Variants in PRTFDC1 observed in about 807,000 individuals in gnomAD.
PRTFDC1 encodes the protein phosphoribosyltransferase domain-containing protein 1.
A neutral mutation model predicts 34.6 loss-of-function variants in PRTFDC1; 38 were observed. That is an observed-to-expected ratio of 1.10 (90% CI 0.85 to 1.44). The LOEUF (loss-of-function observed/expected upper bound fraction) is 1.44. Ranked by LOEUF, PRTFDC1 falls within the 40% of genes most tolerant of loss-of-function variation. PRTFDC1 has a pLI of 0.00. For missense variants in PRTFDC1, 270 were observed against 283.0 expected, an observed-to-expected ratio of 0.95 and a Z score of 0.33; for synonymous variants, 93 against 98.1, an observed-to-expected ratio of 0.95 and a Z score of 0.31.
At chr10:24,918,313 G>A (rs1241701923) in intron 3 of PRTFDC1, among the ~76,000 whole-genome samples, 7 of 151,274 alleles carry the variant, frequency 4.6e-5, no homozygotes, top group Non-Finnish European at 1.0e-4. Context: ...GTCATATGAG[G>A]TCACTTTTAA....
chr10:24,919,469 T>C (rs562561542), intron 3 of PRTFDC1, among the ~76,000 whole-genome samples: 1 of 152,296 alleles, frequency 6.6e-6, no homozygotes, highest in African/African-American at 2.4e-5. Context: ...TTATATCTTA[T>C]ACAAAAATTA....
intron 3 of PRTFDC1, among the ~76,000 whole-genome samples, chr10:24,899,511 G>T (rs117971942): frequency 1.7e-4 from 26 of 152,128 alleles, no homozygotes; most frequent in Admixed American, 1.3e-3. Flanking sequence ...ACCAACGACC[G>T]CATCCTCCAC....
At chr10:24,951,561 G>A (rs1156681129) in intron 1 of PRTFDC1, 14 of 985,120 alleles carry the variant, frequency 1.4e-5, no homozygotes, top group African/African-American at 1.7e-5. Flanking sequence ...TTTAGTTCAG[G>A]CCATTCATAT....
intron 3 of PRTFDC1, chr10:24,908,512 C>T (rs1338553656): frequency 6.2e-7 from 1 of 1,612,312 alleles, no homozygotes; most frequent in Non-Finnish European, 8.5e-7. Flanking sequence ...CCTAATTCTG[C>T]TCTGATCTTG....
chr10:24,881,011 CTCTT>C (rs199906108), intron 3 of PRTFDC1, among the ~76,000 whole-genome samples: 2,294 of 129,514 alleles, frequency 0.018, 65 homozygotes, highest in African/African-American at 0.058. Flanking sequence ...CTTCCTTTCT[CTCTT>C]TCTTTCTCTC....
chr10:24,937,363 C>A lies in PRTFDC1; in HGVS notation c.160G>T (p.Glu54Ter). Residue 54 changes from glutamate to a stop codon, truncating the protein, a stop_gained, in exon 3 of 9, where the codon GAG becomes TAG. Transcript: ENST00000320152. LOFTEE classifies it high-confidence loss of function. ...TTCATAATATCCTTGGCCAGCCGCT[C>A]AATTCTGAAAGAAGGATAAAAGATA... is the stretch of plus-strand genomic sequence containing the variant. ...IPHGIIVDRI[E>*]RLAKDIMKDI... 2 of 1,605,648 alleles carry A rather than the reference C, an allele frequency of 1.2e-6. No individual in the cohort carries two copies. Among genetic ancestry groups the A allele is most frequent in the South Asian group, 2.3e-5 (2 of 88,684 alleles).
intron 8 of PRTFDC1, among the ~76,000 whole-genome samples, chr10:24,850,940 G>A (rs1847475754): frequency 6.6e-6 from 1 of 152,242 alleles, no homozygotes; most frequent in East Asian, 1.9e-4. Flanking sequence ...CACACAGCTG[G>A]GGTCCACACT....
rs58294462 is a variant in PRTFDC1 at position 24,912,268 on chromosome 10, CAAAAAAAA to C, written c.339+24908_339+24915del. On this transcript the variant is annotated intron_variant, in intron 3 of 8. Coordinates refer to ENST00000320152, the MANE Select transcript of PRTFDC1 (RefSeq NM_020200.7). Reference sequence around the variant, plus strand: ...TGGGCAACAGAGCAAGACTTCATCTCAAAAAAAAAAAAAAAAAAAAAAAAAAAGAAAGA... The same window carrying C: ...TGGGCAACAGAGCAAGACTTCATCTCAAAAAAAAAAAAAAAAAAAGAAAGA... Among the ~76,000 whole-genome samples, 30 of 53,938 alleles carry C rather than the reference CAAAAAAAA, an allele frequency of 5.6e-4. No individual in the cohort carries two copies. In the Admixed American group the frequency reaches 9.9e-3, roughly 18 times the overall value. The allele number at this position is 53,938 out of a possible 152,430, so 35.4% of individuals were successfully genotyped here.
At chr10:24,858,349 A>G (rs753988744) in intron 5 of PRTFDC1, 43 bp downstream of exon 5, 81 of 1,596,370 alleles carry the variant, frequency 5.1e-5, no homozygotes, top group Non-Finnish European at 6.7e-5. Context: ...TCACCATTAG[A>G]TTCTTTCAAC....
At chr10:24,853,163 A>G (rs1459607946) in intron 7 of PRTFDC1, among the ~76,000 whole-genome samples, 5 of 152,120 alleles carry the variant, frequency 3.3e-5, no homozygotes, top group African/African-American at 1.2e-4. Context: ...AAATCCAGAG[A>G]GAAAGAAGGA....
chr10:24,877,058 A>G (rs1847978741), intron 3 of PRTFDC1, among the ~76,000 whole-genome samples: 1 of 151,682 alleles, frequency 6.6e-6, no homozygotes, highest in Non-Finnish European at 1.5e-5. Context: ...CTAAAAACCT[A>G]CTCCTGAACC....
At chr10:24,880,699 T>G (rs185284134) in intron 3 of PRTFDC1, among the ~76,000 whole-genome samples, 6 of 152,356 alleles carry the variant, frequency 3.9e-5, no homozygotes, top group Admixed American at 3.9e-4. Context: ...TGCACTCATC[T>G]GTGTGTTCCT....
At chr10:24,867,159 C>G (rs552601688) in intron 4 of PRTFDC1, among the ~76,000 whole-genome samples, 40 of 152,228 alleles carry the variant, frequency 2.6e-4, no homozygotes, top group Non-Finnish European at 1.9e-4. Context: ...CTCTAACTCA[C>G]AGCATGACAA....
intron 4 of PRTFDC1, among the ~76,000 whole-genome samples, chr10:24,871,534 G>A (rs1055386024): frequency 1.3e-5 from 2 of 151,882 alleles, no homozygotes; most frequent in African/African-American, 2.4e-5. Flanking sequence ...AAAAGGCAAA[G>A]TGCTGAAAAC....
At position 24,894,058 on chromosome 10, in the gene PRTFDC1, C is replaced by T. The variant is rs187223096; in HGVS notation, c.340-21995G>A. ...TGAAAATAGGACTTCATTGGCCGGGCGCGGTGGCTCACGCCTGTAATCCCA... is the reference window on the plus strand; with the variant it reads ...TGAAAATAGGACTTCATTGGCCGGGTGCGGTGGCTCACGCCTGTAATCCCA... On this transcript the variant is annotated intron_variant, in intron 3 of 8. Coordinates refer to ENST00000320152, the MANE Select transcript of PRTFDC1 (RefSeq NM_020200.7). 2.5e-3 allele frequency among the ~76,000 whole-genome samples: 378 copies of T among 152,260 alleles called. 2 individuals are homozygous for T. The highest frequency in any genetic ancestry group is 8.0e-3 in the African/African-American group (334 of 41,548).
intron 3 of PRTFDC1, among the ~76,000 whole-genome samples, chr10:24,877,652 G>C (rs1319859028): frequency 1.3e-5 from 2 of 152,096 alleles, no homozygotes; most frequent in African/African-American, 4.8e-5. Context: ...ACAGAGTCTT[G>C]CTCTGTTGCA....
chr10:24,861,687 T>C (rs1847682711), intron 4 of PRTFDC1, among the ~76,000 whole-genome samples: 1 of 152,114 alleles, frequency 6.6e-6, no homozygotes, highest in Admixed American at 6.6e-5. Context: ...TTCTAAAAAA[T>C]AGACTTAGTC....
At chr10:24,859,418 C>T (rs983757143) in intron 4 of PRTFDC1, among the ~76,000 whole-genome samples, 1 of 152,198 alleles carries the variant, frequency 6.6e-6, no homozygotes, top group African/African-American at 2.4e-5. Flanking sequence ...CACCACCACG[C>T]CTGGCTAATT....
chr10:24,877,487 G>T (rs564112055), intron 3 of PRTFDC1, among the ~76,000 whole-genome samples: 1 of 152,180 alleles, frequency 6.6e-6, no homozygotes, highest in African/African-American at 2.4e-5. Flanking sequence ...ATTTTCTTTT[G>T]CTACCTTTGT....
Sources: gnomAD v4.1 joint callset for allele counts (sites outside exome capture counted in the v4.1 genomes callset) on GRCh38, gnomAD v4.1.1 for gene constraint, MANE v1.5 for transcripts, NCBI Gene and HGNC (gene_info 2026-07-23, HGNC 2026-07-21) for gene names.